SLC39A6: variants seen among roughly 807,000 people sequenced by gnomAD.
SLC39A6 encodes the protein zinc transporter ZIP6.
In SLC39A6, 51 loss-of-function variants were observed where a neutral mutation model predicts 63.5. That is an observed-to-expected ratio of 0.80 (90% CI 0.64 to 1.01). The LOEUF is 1.01. SLC39A6 is among the 50% of genes least tolerant of loss of function. The pLI is 0.00. For synonymous variants in SLC39A6, 318 were observed against 324.7 expected, an observed-to-expected ratio of 0.98 and a Z score of 0.22; for missense variants, 805 against 927.8, an observed-to-expected ratio of 0.87 and a Z score of 1.72.
At position 36,116,674 on chromosome 18, in the gene SLC39A6, G is replaced by A. The variant is rs757804601; in HGVS notation, c.1465C>T (p.Arg489Ter). ...TNEEKVDTDD[R>*]TEGYLRADSQ... ...CTAAAATTTATGCATAAGAACTTAC[G>A]ATCATCTGTATCTACTTTCTCCTCA... The change falls in exon 6 of 10, where the codon CGA (arginine) becomes TGA (stop). Residue 489 changes from arginine (R) to a stop codon, truncating the protein, a stop_gained and splice_region_variant. Transcript: ENST00000269187. LOFTEE classifies it high-confidence loss of function. The A allele has an allele frequency of 3.8e-6, 6 of 1,598,798 alleles. No individual in the cohort carries two copies. The highest frequency in any genetic ancestry group is 5.1e-6 in the Non-Finnish European group (6 of 1,166,826).
At chr18:36,113,778 A>G (rs936813885) in intron 7 of SLC39A6, among the ~76,000 whole-genome samples, 2 of 152,190 alleles carry the variant, frequency 1.3e-5, no homozygotes, top group African/African-American at 4.8e-5. Flanking sequence ...AGGGAACTTC[A>G]ATGTATAGGG....
intron 1 of SLC39A6, 74 bp from the exon 2 acceptor site, chr18:36,127,090 A>G (rs539194064): frequency 7.8e-7 from 1 of 1,284,070 alleles, no homozygotes; most frequent in African/African-American, 1.5e-5. Flanking sequence ...CATACTGAAA[A>G]TTAATGTGTA....
At chr18:36,116,053 A>T (rs2089342543) in intron 6 of SLC39A6, among the ~76,000 whole-genome samples, 1 of 152,196 alleles carries the variant, frequency 6.6e-6, no homozygotes, top group Non-Finnish European at 1.5e-5. Context: ...AGGCAACTAA[A>T]TGCAATATTT....
At chr18:36,128,243 C>T (rs2089463794) in intron 1 of SLC39A6, among the ~76,000 whole-genome samples, 1 of 152,172 alleles carries the variant, frequency 6.6e-6, no homozygotes, top group Admixed American at 6.5e-5. Flanking sequence ...TGATGGTGGT[C>T]AAACTCACAT....
chr18:36,115,544 G>A (rs573516786), intron 6 of SLC39A6, among the ~76,000 whole-genome samples: 15 of 152,208 alleles, frequency 9.9e-5, no homozygotes, highest in South Asian at 2.1e-4. Context: ...GCCTGCTGTC[G>A]TTGGGTGCTG....
Position 36,124,865 on chromosome 18 carries a change from G to A in SLC39A6, c.790-165C>T, listed in dbSNP as rs148382460. 5.3e-3 allele frequency among the ~76,000 whole-genome samples: 801 copies of A among 152,262 alleles called. 3 individuals carry two copies. Among genetic ancestry groups the A allele is most frequent in the Non-Finnish European group, 8.4e-3 (573 of 68,020 alleles). ...TGGAACTTGCCTCCAGCTACCTGGC[G>A]ATACTATGTCACCACAGTGGTATCC... On this transcript the variant is annotated intron_variant, in intron 2 of 9. Transcript: ENST00000269187.
At chr18:36,119,850 A>C (rs2089377159) in intron 5 of SLC39A6, among the ~76,000 whole-genome samples, 1 of 152,134 alleles carries the variant, frequency 6.6e-6, no homozygotes, top group Non-Finnish European at 1.5e-5. Flanking sequence ...ACTGCACTCT[A>C]ACCTGGGCAA....
intron 8 of SLC39A6, 77 bp from the exon 9 acceptor site, chr18:36,111,326 A>G: frequency 1.4e-6 from 2 of 1,413,672 alleles, no homozygotes; most frequent in Non-Finnish European, 9.6e-7. Context: ...TACTTCCCAG[A>G]TTTAAGAAAA....
Position 36,109,548 on chromosome 18 carries a change from G to A in SLC39A6, c.*45C>T. 6.6e-7 allele frequency: 1 copy of A among 1,513,936 alleles called. No individual in the cohort carries two copies. The highest frequency in any genetic ancestry group is 9.1e-7 in the Non-Finnish European group (1 of 1,098,518). 93.8% of individuals were successfully genotyped at this position (1,513,936 alleles called of 1,614,324 possible). On this transcript the variant is annotated 3_prime_UTR_variant, in exon 10 of 10. Coordinates refer to ENST00000269187, the MANE Select transcript of SLC39A6 (RefSeq NM_012319.4). ...CAAACTCATCTCCCTATGACCTACT[G>A]AAACTATGACAACTTTTTAAGCTAC...
At chr18:36,117,297 C>A (rs924620397) in intron 5 of SLC39A6, among the ~76,000 whole-genome samples, 1 of 152,180 alleles carries the variant, frequency 6.6e-6, no homozygotes, top group Non-Finnish European at 1.5e-5. Context: ...GATCTGGTAA[C>A]CACCTGCCTG....
chr18:36,110,968 C>A (rs2089295091), intron 9 of SLC39A6, 91 bp downstream of exon 9: 1 of 1,532,710 alleles, frequency 6.5e-7, no homozygotes, highest in Non-Finnish European at 8.8e-7. Flanking sequence ...TCCTGCTCCC[C>A]CAAAAAGAGA....
At chr18:36,122,368 T>C in intron 4 of SLC39A6, 98 bp from the exon 5 acceptor site, 4 of 873,290 alleles carry the variant, frequency 4.6e-6, no homozygotes, top group Non-Finnish European at 5.5e-6. Context: ...CATTCAGTTA[T>C]GCAATTATTC....
chr18:36,112,323 T>C (rs995929706), intron 8 of SLC39A6, among the ~76,000 whole-genome samples, 178 bp downstream of exon 8: 2 of 152,256 alleles, frequency 1.3e-5, no homozygotes, highest in Non-Finnish European at 2.9e-5. Flanking sequence ...TTGTATCCTG[T>C]AGTCTTATTC....
intron 3 of SLC39A6, among the ~76,000 whole-genome samples, chr18:36,123,873 G>C (rs141301749): frequency 6.6e-6 from 1 of 152,016 alleles, no homozygotes; most frequent in Non-Finnish European, 1.5e-5. Flanking sequence ...TGGTACTTAA[G>C]AACTCTCCAG....
At chr18:36,114,845 A>G (rs1026278548) in intron 6 of SLC39A6, among the ~76,000 whole-genome samples, 3 of 152,192 alleles carry the variant, frequency 2.0e-5, no homozygotes, top group Non-Finnish European at 4.4e-5. Context: ...TATTTTAGAA[A>G]AATATCTTAG....
intron 2 of SLC39A6, among the ~76,000 whole-genome samples, chr18:36,125,555 A>G: frequency 6.6e-6 from 1 of 152,102 alleles, no homozygotes; most frequent in Non-Finnish European, 1.5e-5. Context: ...ATGAAGTACT[A>G]AAGTTTTGCT....
chr18:36,115,933 A>G (rs2144502061), intron 6 of SLC39A6, among the ~76,000 whole-genome samples: 1 of 152,376 alleles, frequency 6.6e-6, no homozygotes, highest in African/African-American at 2.4e-5. Context: ...ACAAAGAATC[A>G]TATCAGGTGG....
chr18:36,121,941 C>T, intron 5 of SLC39A6, 111 bp downstream of exon 5: 1 of 745,738 alleles, frequency 1.3e-6, no homozygotes, highest in South Asian at 1.9e-5. Flanking sequence ...ACTGAACTCC[C>T]TCTCAAATAA....
rs1451211183 is a variant in SLC39A6, at chr18:36,124,686, T to C, written c.804A>G (p.Ser268=). The C allele has an allele frequency of 6.5e-7, 1 of 1,549,852 alleles. No homozygotes were observed. The highest frequency in any genetic ancestry group is 8.8e-7 in the Non-Finnish European group (1 of 1,131,654). The part of the protein sequence containing the change: ...NENPQECFNA[S]KLLTSHGMGI... Reference sequence around the variant, plus strand: ...CCATGCCATGAGATGTCAGTAGCTTTGATGCATTGAAACACTGAAAGAAAC... The same window carrying C: ...CCATGCCATGAGATGTCAGTAGCTTCGATGCATTGAAACACTGAAAGAAAC... Residue 268 remains serine, a synonymous_variant, in exon 3 of 10, where the codon TCA becomes TCG. Coordinates refer to ENST00000269187, the MANE Select transcript of SLC39A6 (RefSeq NM_012319.4).
Sources: allele counts gnomAD v4.1 joint callset (sites outside exome capture counted in the v4.1 genomes callset), GRCh38; gene constraint gnomAD v4.1.1; transcripts MANE v1.5; gene names NCBI Gene and HGNC (gene_info 2026-07-23, HGNC 2026-07-21).